The following CHIC2 variants were observed in gnomAD, a reference collection of about 807,000 sequenced individuals.
The protein encoded by CHIC2 is cysteine rich hydrophobic domain 2.
A neutral mutation model predicts 25.9 loss-of-function variants in CHIC2; 14 were observed. The ratio of observed to expected loss-of-function variants is 0.54; its 90% confidence interval spans 0.36 to 0.85. CHIC2 has a LOEUF of 0.85. Ranked by LOEUF, CHIC2 falls within the 40% of genes least tolerant of loss-of-function variation. The pLI is 0.01. For missense variants in CHIC2, 146 were observed against 202.0 expected, an observed-to-expected ratio of 0.72 and a Z score of 1.68; for synonymous variants, 70 against 72.0, an observed-to-expected ratio of 0.97 and a Z score of 0.14.
chr4:54,055,873 T>C (rs1345819426), intron 1 of CHIC2, among the ~76,000 whole-genome samples: 1 of 152,182 alleles, frequency 6.6e-6, no homozygotes, highest in East Asian at 1.9e-4. Flanking sequence ...TAATTGAAAG[T>C]ATACTCTATT....
chr4:54,052,555 T>G (rs544185360), intron 1 of CHIC2, among the ~76,000 whole-genome samples: 38 of 152,230 alleles, frequency 2.5e-4, no homozygotes, highest in Non-Finnish European at 4.9e-4. Flanking sequence ...CAATGATTCC[T>G]GCATTGAGTA....
At chr4:54,076,660 C>T in the CHIC2 span, 13 of 152,198 alleles carry the variant, frequency 8.5e-5, no homozygotes, top group African/African-American at 2.9e-4. Flanking sequence ...AGATGCATAG[C>T]CTTTTGGCCA....
chr4:54,068,765 C>T (rs147160906), upstream of CHIC2, among the ~76,000 whole-genome samples: 349 of 152,308 alleles, frequency 2.3e-3, 1 homozygote, highest in African/African-American at 8.0e-3. Context: ...TTCCAGCACT[C>T]TCTACCTGGA....
At chr4:54,064,657 G>C (rs1399131944), upstream of CHIC2, 2 of 1,052,606 alleles carry the variant, frequency 1.9e-6, no homozygotes, top group East Asian at 5.5e-5. The surrounding 1 kb of genome is among the most constrained non-coding windows in gnomAD (Gnocchi z 4.2). Context: ...ACGGCATCGC[G>C]AGACTTCCCG....
chr4:54,014,799 GT>G (rs1230464131), intron 3 of CHIC2, among the ~76,000 whole-genome samples: 1 of 152,076 alleles, frequency 6.6e-6, no homozygotes, highest in African/African-American at 2.4e-5. Flanking sequence ...TGCATGAAAT[GT>G]TTCTTGCTTG....
intron 3 of CHIC2, among the ~76,000 whole-genome samples, chr4:54,030,490 T>C (rs1716191467): frequency 6.9e-6 from 1 of 144,166 alleles, no homozygotes; most frequent in African/African-American, 2.6e-5. Context: ...GCCACTGCAC[T>C]CCACTCTGGG....
At chr4:54,084,138 AATTC>A in the CHIC2 span, among the ~76,000 whole-genome samples, 1 of 152,126 alleles carries the variant, frequency 6.6e-6, no homozygotes, top group Non-Finnish European at 1.5e-5. Context: ...CACTTACTTG[AATTC>A]ATTGATGGCT....
At chr4:54,063,122 C>T (rs1717389274) in intron 1 of CHIC2, among the ~76,000 whole-genome samples, 1 of 152,170 alleles carries the variant, frequency 6.6e-6, no homozygotes, top group African/African-American at 2.4e-5. Flanking sequence ...CTTACTGTTT[C>T]CCTAAGTTAT....
intron 1 of CHIC2, among the ~76,000 whole-genome samples, chr4:54,062,203 G>A: frequency 6.6e-6 from 1 of 152,134 alleles, no homozygotes; most frequent in East Asian, 1.9e-4. Context: ...GAAGGAAGTT[G>A]CTGAGGAAAA....
At chr4:54,087,316 G>T in the CHIC2 span, 1 of 574,146 alleles carries the variant, frequency 1.7e-6, no homozygotes, top group Non-Finnish European at 3.1e-6. Flanking sequence ...CGAAACCATG[G>T]CTTGCTGGGG....
chr4:54,035,605 T>A (rs1452472658), intron 3 of CHIC2, among the ~76,000 whole-genome samples: 3 of 152,284 alleles, frequency 2.0e-5, no homozygotes, highest in African/African-American at 7.2e-5. Context: ...ACTTAATTTA[T>A]CTCTTTCTTT....
chr4:54,047,152 G>C (rs1004670297), intron 3 of CHIC2, among the ~76,000 whole-genome samples: 5 of 152,158 alleles, frequency 3.3e-5, no homozygotes, highest in African/African-American at 4.8e-5. Flanking sequence ...GGAAACAACA[G>C]GTGCTGGAGA....
chr4:54,032,550 A>G (rs907988116), intron 3 of CHIC2, among the ~76,000 whole-genome samples: 2 of 152,188 alleles, frequency 1.3e-5, no homozygotes, highest in Non-Finnish European at 2.9e-5. Flanking sequence ...TTGCAGACGG[A>G]GTCTTGTTCA....
At chr4:54,019,633 T>C (rs549071680) in intron 3 of CHIC2, among the ~76,000 whole-genome samples, 1 of 152,160 alleles carries the variant, frequency 6.6e-6, no homozygotes, top group Non-Finnish European at 1.5e-5. Context: ...TACACAAACA[T>C]GCACAATTTA....
At chr4:54,051,898 C>T (rs933211059) in intron 1 of CHIC2, among the ~76,000 whole-genome samples, 13 of 152,276 alleles carry the variant, frequency 8.5e-5, no homozygotes, top group Admixed American at 3.9e-4. Context: ...ACTATCTTTA[C>T]GTTACCTCCC....
the CHIC2 span, among the ~76,000 whole-genome samples, chr4:54,086,686 G>A: frequency 3.3e-5 from 5 of 152,164 alleles, no homozygotes; most frequent in Admixed American, 6.5e-5. Flanking sequence ...GTGAGAAAGC[G>A]GCAGCTAGAA....
At chr4:54,091,014 G>T in the CHIC2 span, among the ~76,000 whole-genome samples, 5 of 151,952 alleles carry the variant, frequency 3.3e-5, no homozygotes, top group African/African-American at 1.2e-4. Context: ...GGTTTCCCAA[G>T]CCCAAGTAGA....
chr4:54,070,452 T>C, the CHIC2 span, among the ~76,000 whole-genome samples: 3 of 152,160 alleles, frequency 2.0e-5, no homozygotes, highest in African/African-American at 7.2e-5. Flanking sequence ...AGACGGAGTT[T>C]ACTCTTGTCG....
Position 54,064,378 on chromosome 4 carries a change from G to C in CHIC2, c.-78C>G. The stretch of plus-strand genomic sequence containing the variant: ...CGGGGTACCGGCGGGCGAGGCGGCG[G>C]AGGCTGAGGGGAGTCGCCGCTGCCG... On this transcript the variant is annotated 5_prime_UTR_variant, in exon 1 of 6. Transcript: ENST00000263921. This position sits in a 1 kb window ranked among gnomAD's most constrained non-coding sequence, Gnocchi z 4.2. 6.3e-7 allele frequency: 1 copy of C among 1,580,224 alleles called. No homozygotes were observed. The highest frequency in any genetic ancestry group is 8.6e-7 in the Non-Finnish European group (1 of 1,164,498).
Sources: gnomAD v4.1 joint callset for allele counts (sites outside exome capture counted in the v4.1 genomes callset) on GRCh38, gnomAD v4.1.1 for gene constraint, Gnocchi (gnomAD v3.1) non-coding constraint, MANE v1.5 for transcripts, NCBI Gene and HGNC (gene_info 2026-07-23, HGNC 2026-07-21) for gene names.